The following IQGAP2 variants were observed in gnomAD, a reference collection of about 807,000 sequenced individuals.
IQGAP2 encodes the protein ras GTPase-activating-like protein IQGAP2.
A neutral mutation model predicts 201.3 loss-of-function variants in IQGAP2; 173 were observed. The ratio of observed to expected loss-of-function variants is 0.86; its 90% CI spans 0.76 to 0.98. The LOEUF (loss-of-function observed/expected upper bound fraction) is 0.98. IQGAP2 is among the 50% of genes least tolerant of loss of function. The pLI is 0.00. For missense variants in IQGAP2, 1,687 were observed against 1,864.8 expected (o/e 0.90, Z 1.76); for synonymous variants, 675 against 673.9 (o/e 1.00, Z -0.03).
chr5:76,520,728 G>T (rs1181184594), intron 2 of IQGAP2, among the ~76,000 whole-genome samples: 1 of 113,912 alleles, frequency 8.8e-6, no homozygotes, highest in Non-Finnish European at 1.7e-5. Flanking sequence ...TTTTGAAACG[G>T]AGTCTCACTC....
chr5:76,416,933 A>T (rs1205280463), intron 1 of IQGAP2, among the ~76,000 whole-genome samples: 1 of 151,950 alleles, frequency 6.6e-6, no homozygotes, highest in African/African-American at 2.4e-5. Flanking sequence ...GGCTCAAGTG[A>T]TCCTCCTACC....
intron 2 of IQGAP2, among the ~76,000 whole-genome samples, chr5:76,471,625 T>A (rs916254635): frequency 2.6e-5 from 4 of 152,072 alleles, no homozygotes; most frequent in African/African-American, 9.7e-5. Context: ...AGTTAGAGAA[T>A]CAGATTTGAA....
At chr5:76,567,530 C>T (rs1391165457) in intron 3 of IQGAP2, among the ~76,000 whole-genome samples, 2 of 152,180 alleles carry the variant, frequency 1.3e-5, no homozygotes, top group African/African-American at 4.8e-5. Context: ...GCCTGACAGA[C>T]ATGAGCATCT....
At chr5:76,422,751 A>G (rs138488629) in intron 1 of IQGAP2, among the ~76,000 whole-genome samples, 15 of 152,222 alleles carry the variant, frequency 9.9e-5, no homozygotes, top group African/African-American at 3.6e-4. Context: ...ACACAGCTCT[A>G]AGAAGTGGGG....
chr5:76,497,120 G>T (rs1361813855), intron 2 of IQGAP2, among the ~76,000 whole-genome samples: 1 of 152,106 alleles, frequency 6.6e-6, no homozygotes, highest in African/African-American at 2.4e-5. Flanking sequence ...GAGCCACTGC[G>T]CCCGGCCCAA....
chr5:76,678,462 GTTTTC>G (rs1198355684), intron 28 of IQGAP2, among the ~76,000 whole-genome samples: 1 of 151,826 alleles, frequency 6.6e-6, no homozygotes, highest in Non-Finnish European at 1.5e-5. Context: ...GGTTTGCATT[GTTTTC>G]TTTTTAAGAT....
At chr5:76,597,656 C>T (rs1029481519) in intron 10 of IQGAP2, 54 bp downstream of exon 10, 11 of 1,581,204 alleles carry the variant, frequency 7.0e-6, no homozygotes, top group Non-Finnish European at 9.5e-6. Flanking sequence ...TGCCATGGCG[C>T]ACTAGGGAAG....
intron 1 of IQGAP2, among the ~76,000 whole-genome samples, chr5:76,405,634 G>A (rs1011810998): frequency 5.9e-5 from 9 of 152,082 alleles, no homozygotes; most frequent in Non-Finnish European, 4.4e-5. Context: ...ATAGATTTTG[G>A]CGTTAATAGG....
chr5:76,697,945 A>G (rs1746908032), intron 32 of IQGAP2, 42 bp from the exon 33 acceptor site: 1 of 1,523,550 alleles, frequency 6.6e-7, no homozygotes, highest in African/African-American at 1.4e-5. Context: ...ATCATAAAGC[A>G]AACTTCTGCT....
intron 1 of IQGAP2, among the ~76,000 whole-genome samples, chr5:76,426,174 C>G (rs1485506954): frequency 6.6e-6 from 1 of 152,178 alleles, no homozygotes; most frequent in Non-Finnish European, 1.5e-5. Context: ...AGGTCTGTGG[C>G]TTAATGTGCT....
chr5:76,445,858 C>T (rs1246070253), intron 1 of IQGAP2, among the ~76,000 whole-genome samples: 2 of 152,174 alleles, frequency 1.3e-5, no homozygotes, highest in Non-Finnish European at 2.9e-5. Flanking sequence ...TCCTCCCCAA[C>T]AACCCCCAGC....
intron 2 of IQGAP2, among the ~76,000 whole-genome samples, chr5:76,477,499 G>T (rs1755509913): frequency 6.6e-6 from 1 of 152,170 alleles, no homozygotes; most frequent in South Asian, 2.1e-4. Context: ...ACGTGTTTGT[G>T]GTGATGCTGG....
chr5:76,547,423 AAGTGTAGGAAGG>A, intron 2 of IQGAP2: 1 of 980,874 alleles, frequency 1.0e-6, no homozygotes, highest in Non-Finnish European at 1.2e-6. Flanking sequence ...GAGGGAAGTC[AAGTGTAGGAAGG>A]AGTTGTGGCA....
At chr5:76,551,637 G>A (rs1223232127) in intron 2 of IQGAP2, among the ~76,000 whole-genome samples, 1 of 134,394 alleles carries the variant, frequency 7.4e-6, no homozygotes, top group South Asian at 2.7e-4. Context: ...CAGATCACTC[G>A]CGGTCCAGAG....
chr5:76,435,142 C>T (rs1752586016), intron 1 of IQGAP2, among the ~76,000 whole-genome samples: 1 of 151,796 alleles, frequency 6.6e-6, no homozygotes. Context: ...TATTTTCTCC[C>T]ATTCTGTGGG....
Position 76,435,624 on chromosome 5 carries a change from C to T in IQGAP2, c.47-25946C>T, listed in dbSNP as rs548101196. ...AATTTGAAGTCAGTTAATGTGATAC[C>T]TCCAGATTTGTTCTTTTTGCTTAGG... is the stretch of plus-strand genomic sequence containing the variant. On this transcript the variant is annotated intron_variant, in intron 1 of 35. Transcript: ENST00000274364. Among the ~76,000 whole-genome samples, 4 of 152,240 alleles carry T rather than the reference C, an allele frequency of 2.6e-5. No individual in the cohort carries two copies. The East Asian group carries it at 7.7e-4, about 29-fold the overall frequency.
rs551371651 is a variant in IQGAP2, at chr5:76,474,464, C to A, written c.146+12795C>A. 3.9e-5 allele frequency among the ~76,000 whole-genome samples: 6 copies of A among 152,268 alleles called. No homozygotes were observed. In the South Asian group the frequency reaches 1.2e-3, roughly 32 times the overall value. ...TTGATCTTTCATTTTTGCTGAGAAA[C>A]TTGAACCCATTTTGGTGCAAGAACA... On this transcript the variant is annotated intron_variant, in intron 2 of 35. Transcript: ENST00000274364.
chr5:76,705,695 G>C (rs1251358815), intron 35 of IQGAP2, among the ~76,000 whole-genome samples: 1 of 152,142 alleles, frequency 6.6e-6, no homozygotes, highest in African/African-American at 2.4e-5. Context: ...ATAATGTAGG[G>C]GTTTTCTTAA....
At chr5:76,606,451 G>A (rs983211433) in intron 12 of IQGAP2, 148 bp downstream of exon 12, 4 of 524,500 alleles carry the variant, frequency 7.6e-6, no homozygotes, top group Non-Finnish European at 1.3e-5. Context: ...TTTATAGGTA[G>A]ATTTTATGCC....
Sources: allele counts gnomAD v4.1 joint callset (sites outside exome capture counted in the v4.1 genomes callset), GRCh38; gene constraint gnomAD v4.1.1; transcripts MANE v1.5; gene names NCBI Gene and HGNC (gene_info 2026-07-23, HGNC 2026-07-21).